The following BRD2 variants were observed in gnomAD, a reference collection of about 807,000 sequenced individuals.
BRD2 encodes the protein bromodomain containing 2, also known as bromodomain-containing protein 2.
In BRD2, 15 loss-of-function variants were observed where a neutral mutation model predicts 79.1. The ratio of observed to expected loss-of-function variants is 0.19; its 90% CI spans 0.13 to 0.29. The LOEUF (loss-of-function observed/expected upper bound fraction) is 0.29. BRD2 is among the 10% of genes least tolerant of loss of function. BRD2 has a pLI of 1.00. For missense variants in BRD2, 1,053 were observed against 991.3 expected (o/e 1.06, Z -0.84); for synonymous variants, 488 against 358.6 (o/e 1.36, Z -4.08).
rs528141662 is a variant in BRD2, at chr6:32,978,155, T to C, written c.1608T>C (p.Ala536=). The C allele has an allele frequency of 6.2e-7, 1 of 1,612,790 alleles. No homozygotes were observed. The highest frequency in any genetic ancestry group is 8.5e-7 in the Non-Finnish European group (1 of 1,179,988). Residue 536 remains alanine, a synonymous_variant, in exon 10 of 13, where the codon GCT becomes GCC. Coordinates refer to ENST00000374825, the MANE Select transcript of BRD2 (RefSeq NM_005104.4). Reference sequence around the variant, plus strand: ...GGGCAGTACATGAACAACTGGCTGCTCTGTCCCAGGGTCCAATATCCAAGC... The same window carrying C: ...GGGCAGTACATGAACAACTGGCTGCCCTGTCCCAGGGTCCAATATCCAAGC... ...QLRAVHEQLA[A]LSQGPISKPK...
chr6:32,969,261 C>T (rs925146504), intron 1 of BRD2: 2 of 688,126 alleles, frequency 2.9e-6, no homozygotes, highest in East Asian at 2.7e-5. Context: ...CAGCCTCATG[C>T]CTCCGTACCC....
chr6:32,974,814 G>T, intron 3 of BRD2, 49 bp downstream of exon 3: 1 of 1,585,474 alleles, frequency 6.3e-7, no homozygotes, highest in South Asian at 1.1e-5. Context: ...GCAAGAATGC[G>T]TGTGAATGGG....
chr6:32,976,048 C>T lies in BRD2; in HGVS notation c.489C>T (p.Val163=), dbSNP rs199821934. The T allele has an allele frequency of 9.3e-6, 15 of 1,609,408 alleles. No homozygotes were observed. The Admixed American group carries it at 1.0e-4, about 11-fold the overall frequency. ...TCTCATAGCCCACTGATGATATTGT[C>T]CTAATGGCACAAACGCTGGAAAAGA... ...YIYNKPTDDI[V]LMAQTLEKIF... The change falls in exon 5 of 13, where the codon GTC becomes GTT. Residue 163 remains valine (V), a synonymous_variant. Transcript: ENST00000374825.
rs1239719049 is a variant in BRD2 at position 32,976,841 on chromosome 6, G to T, written c.1105G>T (p.Ala369Ser). 6.2e-7 allele frequency: 1 copy of T among 1,613,184 alleles called. No individual in the cohort carries two copies. Among genetic ancestry groups the T allele is most frequent in the Admixed American group, 1.7e-5 (1 of 60,032 alleles). The stretch of plus-strand genomic sequence containing the variant: ...ACTCTCTAAGAAGCATGCTGCCTAT[G>T]CTTGGCCTTTCTATAAACCAGTGGA... Reference protein sequence around the residue: ...ELLSKKHAAYAWPFYKPVDAS... With the variant: ...ELLSKKHAAYSWPFYKPVDAS... Residue 369 changes from alanine to serine, a missense_variant, in exon 7 of 13, where the codon GCT becomes TCT. Ala to Ser is a moderately conservative substitution (Grantham distance 99, BLOSUM62 1). This residue lies in a region of BRD2 where 454 missense variants were observed against 430.5 expected (regional missense o/e 1.05). Coordinates refer to ENST00000374825, the MANE Select transcript of BRD2 (RefSeq NM_005104.4).
rs201780822 is a variant in BRD2 at position 32,980,549 on chromosome 6, T to G, written c.2270-33T>G. 1.6e-5 allele frequency: 25 copies of G among 1,612,846 alleles called. No homozygotes were observed. In the South Asian group the frequency reaches 2.5e-4, roughly 16 times the overall value. On this transcript the variant is annotated intron_variant, in intron 12 of 12. Coordinates refer to ENST00000374825, the MANE Select transcript of BRD2 (RefSeq NM_005104.4). Reference sequence around the variant, plus strand: ...TTATTGACAAATGAAGATTCAGACTTGAACGTCTTTAACTTTCGAATTTGT... The same window carrying G: ...TTATTGACAAATGAAGATTCAGACTGGAACGTCTTTAACTTTCGAATTTGT...
chr6:32,980,792 C>A lies in BRD2; in HGVS notation c.*74C>A. ...GACCACCCTGCCCCACCTGCCCCTT[C>A]CCCCTTTGCTGTGACACTTCTTCAT... On this transcript the variant is annotated 3_prime_UTR_variant, in exon 13 of 13. Transcript: ENST00000374825. The A allele has an allele frequency of 1.3e-6, 2 of 1,558,068 alleles. No homozygotes were observed. Among genetic ancestry groups the A allele is most frequent in the Non-Finnish European group, 1.8e-6 (2 of 1,138,390 alleles).
intron 4 of BRD2, among the ~76,000 whole-genome samples, 168 bp downstream of exon 4, chr6:32,975,689 G>C (rs1472547639): frequency 6.6e-6 from 1 of 152,236 alleles, no homozygotes; most frequent in East Asian, 1.9e-4. Context: ...ATTGAACACA[G>C]TGATGTGACT....
chr6:32,972,067 C>CT lies in BRD2; in HGVS notation c.-830dup. On this transcript the variant is annotated 5_prime_UTR_variant, in exon 2 of 13. The change abolishes the stop of an existing upstream ORF in the 5' untranslated region. Coordinates refer to ENST00000374825, the MANE Select transcript of BRD2 (RefSeq NM_005104.4). ...AGGTGTTCCTTCCCCTTCGACTCAG[C>CT]TTCTTCACCCGCGTGAGCGAGCGCG... 1 of 698,584 alleles carries CT rather than the reference C, an allele frequency of 1.4e-6. No individual in the cohort carries two copies. Among genetic ancestry groups the CT allele is most frequent in the Non-Finnish European group, 2.6e-6 (1 of 383,076 alleles). 43.3% of individuals were successfully genotyped at this position (698,584 alleles called of 1,614,324 possible). A position where few individuals can be genotyped will look rare whatever the true frequency, so the allele number is the denominator to read the frequency against.
chr6:32,978,101 C>T, intron 9 of BRD2, 25 bp from the exon 10 acceptor site: 15 of 1,593,852 alleles, frequency 9.4e-6, no homozygotes, highest in Non-Finnish European at 1.3e-5. Flanking sequence ...TTTACTTTTT[C>T]CACTTCATGT....
chr6:32,972,860 TTC>T lies in BRD2; in HGVS notation c.-38_-37del. On this transcript the variant is annotated 5_prime_UTR_variant, in exon 2 of 13. An upstream open reading frame in the 5' UTR loses its in-frame stop. Coordinates refer to ENST00000374825, the MANE Select transcript of BRD2 (RefSeq NM_005104.4). ...GAGGGGAACCGAGGCCACCCGGACT[TTC>T]CGCGGCTGAGGGCAGCGCCGGTTCC... 1 of 1,613,912 alleles carries T rather than the reference TTC, an allele frequency of 6.2e-7. No homozygotes were observed. The highest frequency in any genetic ancestry group is 1.6e-4 in the Middle Eastern group (1 of 6,062).
At chr6:32,980,281 G>A in intron 11 of BRD2, 61 bp from the exon 12 acceptor site, 1 of 1,601,788 alleles carries the variant, frequency 6.2e-7, no homozygotes, top group Non-Finnish European at 8.5e-7. Flanking sequence ...GGGAACCTTA[G>A]GGGCCCATAA....
At position 32,979,794 on chromosome 6, in the gene BRD2, A is replaced by G. The variant is rs772906307; in HGVS notation, c.1842-34A>G. ...GGAACATACTGGAAGAGGTTAATGA[A>G]GCTTCTTTTGCTGACAACTCTTTTT... On this transcript the variant is annotated intron_variant, in intron 10 of 12. Coordinates refer to ENST00000374825, the MANE Select transcript of BRD2 (RefSeq NM_005104.4). 6 of 1,595,018 alleles carry G rather than the reference A, an allele frequency of 3.8e-6. No individual in the cohort carries two copies. In the South Asian group the frequency reaches 6.7e-5, roughly 18 times the overall value.
At position 32,976,013 on chromosome 6, in the gene BRD2, C is replaced by G. The variant is rs377647665; in HGVS notation, c.472-18C>G. 6.3e-7 allele frequency: 1 copy of G among 1,582,400 alleles called. No homozygotes were observed. The highest frequency in any genetic ancestry group is 1.2e-5 in the South Asian group (1 of 85,818). ...TGGCATTTTTTAACTTTCTTTATTG[C>G]TGTCTGTGTTCTCATAGCCCACTGA... On this transcript the variant is annotated intron_variant, in intron 4 of 12. Coordinates refer to ENST00000374825, the MANE Select transcript of BRD2 (RefSeq NM_005104.4).
At chr6:32,969,333 G>T (rs1777742848) in intron 1 of BRD2, 4 of 716,792 alleles carry the variant, frequency 5.6e-6, no homozygotes, top group Admixed American at 4.0e-5. Flanking sequence ...TCCCCTGGGG[G>T]TACAGCAGCC....
chr6:32,976,967 C>T (rs756960209), intron 7 of BRD2, 31 bp downstream of exon 7: 2 of 1,580,570 alleles, frequency 1.3e-6, no homozygotes, highest in Non-Finnish European at 1.7e-6. Flanking sequence ...ATGGGATGCT[C>T]AGGCAGTGAT....
intron 2 of BRD2, among the ~76,000 whole-genome samples, chr6:32,973,510 C>G (rs762522985): frequency 2.6e-5 from 4 of 152,000 alleles, no homozygotes; most frequent in Admixed American, 6.6e-5. Flanking sequence ...AAGTTTGATT[C>G]AGGGCAGGAG....
chr6:32,978,611 T>A, intron 10 of BRD2: 1 of 678,244 alleles, frequency 1.5e-6, no homozygotes, highest in Non-Finnish European at 2.4e-6. Flanking sequence ...CTGTTCCACC[T>A]CAGATCATTG....
chr6:32,978,302 G>T lies in BRD2; in HGVS notation c.1755G>T (p.Lys585Asn). The T allele has an allele frequency of 6.2e-7, 1 of 1,613,066 alleles. No individual in the cohort carries two copies. The highest frequency in any genetic ancestry group is 8.5e-7 in the Non-Finnish European group (1 of 1,180,028). Residue 585 changes from lysine (K) to asparagine (N), a missense_variant, in exon 10 of 13, where the codon AAG (lysine) becomes AAT (asparagine). Around this residue, in one of 5 missense-constraint regions of BRD2, gnomAD observed 454 missense variants for 430.5 expected, o/e 1.05. Coordinates refer to ENST00000374825, the MANE Select transcript of BRD2 (RefSeq NM_005104.4). ...GGGCACCCCGCCCACCTCAACCTAAGAAGTCCAAGAAAGCAAGTGGCAGTG... is the reference window on the plus strand; with the variant it reads ...GGGCACCCCGCCCACCTCAACCTAATAAGTCCAAGAAAGCAAGTGGCAGTG... Reference protein sequence around the residue: ...GPRAPRPPQPKKSKKASGSGG... With the variant: ...GPRAPRPPQPNKSKKASGSGG...
chr6:32,969,046 T>G lies in BRD2; in HGVS notation c.-1315T>G. 17 of 393,658 alleles carry G rather than the reference T, an allele frequency of 4.3e-5. No individual in the cohort carries two copies. Among genetic ancestry groups the G allele is most frequent in the South Asian group, 4.7e-5 (1 of 21,110 alleles). The allele number at this position is 393,658 out of a possible 1,614,324, so 24.4% of individuals were successfully genotyped here. ...AACTTTGGAGGCCCCCTGGAAGGCTTTAGGATCCAGGTGAGAAGGGGCCCT... is the reference window on the plus strand; with the variant it reads ...AACTTTGGAGGCCCCCTGGAAGGCTGTAGGATCCAGGTGAGAAGGGGCCCT... On this transcript the variant is annotated 5_prime_UTR_variant, in exon 1 of 13. Coordinates refer to ENST00000374825, the MANE Select transcript of BRD2 (RefSeq NM_005104.4).
Sources: gnomAD v4.1 joint callset for allele counts (sites outside exome capture counted in the v4.1 genomes callset) on GRCh38, gnomAD v4.1.1 for gene constraint, gnomAD v4.1.1 regional missense constraint, MANE v1.5 for transcripts, NCBI Gene and HGNC (gene_info 2026-07-23, HGNC 2026-07-21) for gene names.